Variants in PLEKHA1 observed in about 807,000 individuals in gnomAD.
The protein encoded by PLEKHA1 is pleckstrin homology domain-containing family A member 1.
PLEKHA1 carries 34 observed loss-of-function variants against 52.0 expected under a neutral mutation model. The ratio of observed to expected loss-of-function variants is 0.65; its 90% CI spans 0.50 to 0.87. The LOEUF is 0.87. Among genes scored for constraint, PLEKHA1 ranks in the 40% least tolerant of loss-of-function variants. The pLI is 0.00. For missense variants in PLEKHA1, 497 were observed against 504.2 expected (o/e 0.99, Z 0.14); for synonymous variants, 163 against 170.7 (o/e 0.95, Z 0.35).
At chr10:122,429,001 A>G (rs1469776813) in intron 11 of PLEKHA1, among the ~76,000 whole-genome samples, 1 of 152,228 alleles carries the variant, frequency 6.6e-6, no homozygotes, top group African/African-American at 2.4e-5. Context: ...CCTTTAAAAT[A>G]TTAAGCCATA....
At chr10:122,387,726 T>C (rs993123869) in intron 1 of PLEKHA1, 2 of 152,206 alleles carry the variant, frequency 1.3e-5, no homozygotes, top group African/African-American at 4.8e-5. Flanking sequence ...AGATAGCCTC[T>C]TCACTCACTC....
chr10:122,415,115 T>TA (rs1234433627), intron 6 of PLEKHA1, among the ~76,000 whole-genome samples: 3 of 152,110 alleles, frequency 2.0e-5, no homozygotes, highest in Admixed American at 6.5e-5. Flanking sequence ...ACCATGGAAA[T>TA]ATAGCAATAA....
chr10:122,439,081 GT>G, the PLEKHA1 span: 2 of 152,088 alleles, frequency 1.3e-5, no homozygotes, highest in African/African-American at 4.8e-5. Flanking sequence ...ATTTTGTTGA[GT>G]TTTTTTCTTA....
chr10:122,409,628 G>T (rs1430403996), intron 5 of PLEKHA1, among the ~76,000 whole-genome samples: 1 of 152,044 alleles, frequency 6.6e-6, no homozygotes, highest in East Asian at 1.9e-4. Flanking sequence ...TTGAATTTGT[G>T]GCAGAAACTC....
chr10:122,418,033 T>C, intron 8 of PLEKHA1, 65 bp downstream of exon 8: 2 of 1,295,490 alleles, frequency 1.5e-6, no homozygotes, highest in Non-Finnish European at 2.2e-6. Context: ...GTAGTGATTA[T>C]ATATAATTTC....
chr10:122,409,443 A>G (rs948635242), intron 5 of PLEKHA1, among the ~76,000 whole-genome samples: 1 of 149,876 alleles, frequency 6.7e-6, no homozygotes, highest in African/African-American at 2.4e-5. Flanking sequence ...GGAAATATAT[A>G]TAGTGGAAAT....
downstream of PLEKHA1, chr10:122,433,097 C>T (rs552245183): frequency 6.6e-6 from 1 of 152,302 alleles, no homozygotes; most frequent in East Asian, 1.9e-4. Context: ...CTGGCATGTT[C>T]ATACCTTGTT....
At chr10:122,380,285 G>A (rs144061437) in intron 1 of PLEKHA1, among the ~76,000 whole-genome samples, 13 of 152,144 alleles carry the variant, frequency 8.5e-5, no homozygotes, top group Non-Finnish European at 1.3e-4. Context: ...TTAGGCATTG[G>A]AGAAACAACA....
intron 2 of PLEKHA1, among the ~76,000 whole-genome samples, chr10:122,395,888 T>C (rs1267280286): frequency 6.6e-6 from 1 of 152,140 alleles, no homozygotes; most frequent in Admixed American, 6.5e-5. Context: ...TTGAAGATAT[T>C]CGAAAAAGTA....
At chr10:122,409,474 A>T (rs1274535863) in intron 5 of PLEKHA1, among the ~76,000 whole-genome samples, 1 of 152,244 alleles carries the variant, frequency 6.6e-6, no homozygotes. Context: ...CAACATAAAT[A>T]TGGTGGTTTC....
chr10:122,385,311 CTTTTTTT>C (rs1196217497), intron 1 of PLEKHA1, among the ~76,000 whole-genome samples: 10 of 96,480 alleles, frequency 1.0e-4, no homozygotes, highest in South Asian at 4.0e-4. Context: ...TTGTGTCTGG[CTTTTTTT>C]TTTTTTTTTT....
intron 5 of PLEKHA1, among the ~76,000 whole-genome samples, chr10:122,409,474 A>G (rs1274535863): frequency 6.6e-6 from 1 of 152,244 alleles, no homozygotes; most frequent in Non-Finnish European, 1.5e-5. Context: ...CAACATAAAT[A>G]TGGTGGTTTC....
intron 1 of PLEKHA1, among the ~76,000 whole-genome samples, chr10:122,382,708 A>C (rs938215445): frequency 6.6e-6 from 1 of 152,176 alleles, no homozygotes; most frequent in Admixed American, 6.5e-5. Flanking sequence ...TATTGTACAC[A>C]GTTTGTTCTT....
At position 122,393,205 on chromosome 10, in the gene PLEKHA1, C is replaced by T; in HGVS notation, c.5C>T (p.Pro2Leu). The T allele has an allele frequency of 6.2e-7, 1 of 1,610,188 alleles. No homozygotes were observed. Among genetic ancestry groups the T allele is most frequent in the Non-Finnish European group, 8.5e-7 (1 of 1,178,364 alleles). The change falls in exon 2 of 12, where the codon CCT (proline) becomes CTT (leucine). Residue 2 changes from proline to leucine, a missense_variant. Pro to Leu is a moderately conservative substitution (Grantham distance 98). Coordinates refer to ENST00000368990, the MANE Select transcript of PLEKHA1 (RefSeq NM_001001974.4). The surrounding 1 kb of genome is among the most constrained non-coding windows in gnomAD (Gnocchi z 4.5). ...GTGTAATGTTCAAGCTCAGAAATGC[C>T]TTATGTGGATCGTCAGAATCGCATT... MPYVDRQNRICG... is the reference protein window; with the variant it reads MLYVDRQNRICG...
At chr10:122,429,525 TG>T (rs2097394545) in intron 11 of PLEKHA1, 98 bp from the exon 12 acceptor site, 27 of 904,754 alleles carry the variant, frequency 3.0e-5, no homozygotes, top group Middle Eastern at 2.4e-4. Context: ...TGTGTGTGTG[TG>T]TGTGTTTTAT....
Position 122,425,247 on chromosome 10 carries a change from C to G in PLEKHA1, c.810+288C>G, listed in dbSNP as rs185599176. On this transcript the variant is annotated intron_variant, in intron 10 of 11. Coordinates refer to ENST00000368990, the MANE Select transcript of PLEKHA1 (RefSeq NM_001001974.4). Reference sequence around the variant, plus strand: ...GTACTTTCAAGTTGGATTATTTTTGCACATGTTTTAGAATTTTGATTTTTC... The same window carrying G: ...GTACTTTCAAGTTGGATTATTTTTGGACATGTTTTAGAATTTTGATTTTTC... 515 of 246,766 alleles carry G rather than the reference C, an allele frequency of 2.1e-3. 1 individual carries two copies. The highest frequency in any genetic ancestry group is 2.4e-3 in the Non-Finnish European group (319 of 130,900). The allele number at this position is 246,766 out of a possible 1,614,324, so 15.3% of individuals were successfully genotyped here. A position where few individuals can be genotyped will look rare whatever the true frequency, so the allele number is the denominator to read the frequency against.
intron 1 of PLEKHA1, among the ~76,000 whole-genome samples, chr10:122,390,779 A>G (rs1481171739): frequency 6.6e-6 from 1 of 151,840 alleles, no homozygotes; most frequent in Non-Finnish European, 1.5e-5. Flanking sequence ...GTGCAATAAA[A>G]TGAAGCACAG....
Position 122,393,696 on chromosome 10 carries a change from T to G in PLEKHA1, c.141+355T>G, listed in dbSNP as rs2096806727. ...AAATACTTTTTTTGTAACATGTATT[T>G]CAAACAACAGCTAAAATAAAGACCA... On this transcript the variant is annotated intron_variant, in intron 2 of 11. Coordinates refer to ENST00000368990, the MANE Select transcript of PLEKHA1 (RefSeq NM_001001974.4). The surrounding 1 kb of genome is among the most constrained non-coding windows in gnomAD (Gnocchi z 4.5). Among the ~76,000 whole-genome samples, 3 of 152,316 alleles carry G rather than the reference T, an allele frequency of 2.0e-5. No homozygotes were observed. The highest frequency in any genetic ancestry group is 6.8e-3 in the Middle Eastern group (2 of 294).
chr10:122,379,180 TCCTGTCAGTTTAC>T (rs66844101), intron 1 of PLEKHA1, among the ~76,000 whole-genome samples: 31,424 of 152,090 alleles, frequency 0.21, 3,345 homozygotes, highest in Middle Eastern at 0.24. Flanking sequence ...CTTGCTCCCA[TCCTGTCAGTTTAC>T]CCACTGGTTA....
Sources: gnomAD v4.1 joint callset for allele counts (sites outside exome capture counted in the v4.1 genomes callset) on GRCh38, gnomAD v4.1.1 for gene constraint, Gnocchi (gnomAD v3.1) non-coding constraint, MANE v1.5 for transcripts, NCBI Gene and HGNC (gene_info 2026-07-23, HGNC 2026-07-21) for gene names.